RBPJ: variants seen among roughly 807,000 people sequenced by gnomAD.
RBPJ encodes the protein recombining binding protein suppressor of hairless.
RBPJ carries 9 observed loss-of-function variants against 67.8 expected under a neutral mutation model. The ratio of observed to expected loss-of-function variants is 0.13; its 90% confidence interval spans 0.08 to 0.23. The LOEUF is 0.23. Ranked by LOEUF, RBPJ falls within the 10% of genes least tolerant of loss-of-function variation. The pLI is 1.00. For missense variants in RBPJ, 305 were observed against 595.6 expected (o/e 0.51, Z 5.08); for synonymous variants, 198 against 203.3 (o/e 0.97, Z 0.22).
At chr4:26,169,573 C>T (rs1314549439) in intron 1 of RBPJ, among the ~76,000 whole-genome samples, 3 of 152,174 alleles carry the variant, frequency 2.0e-5, no homozygotes, top group Admixed American at 6.5e-5. Flanking sequence ...TCTCCAGCTG[C>T]GTGCTGGGAG....
intron 1 of RBPJ, among the ~76,000 whole-genome samples, chr4:26,223,468 G>C (rs141130961): frequency 2.0e-5 from 3 of 152,340 alleles, no homozygotes; most frequent in African/African-American, 7.2e-5. Flanking sequence ...TTATGCCTGA[G>C]AGCGGTCTTG....
chr4:26,316,171 GA>G (rs770281806), upstream of RBPJ, among the ~76,000 whole-genome samples: 81 of 151,470 alleles, frequency 5.3e-4, 1 homozygote, highest in Non-Finnish European at 7.5e-4. Flanking sequence ...AAATGTCCAT[GA>G]AATCTTCACA....
chr4:26,393,340 C>T (rs1004262050), intron 2 of RBPJ, among the ~76,000 whole-genome samples: 3 of 151,832 alleles, frequency 2.0e-5, no homozygotes, highest in African/African-American at 7.3e-5. Context: ...GAAATTTTCC[C>T]CTTTGATAAT....
At chr4:26,235,744 C>T (rs1412444475) in intron 1 of RBPJ, among the ~76,000 whole-genome samples, 1 of 152,240 alleles carries the variant, frequency 6.6e-6, no homozygotes, top group African/African-American at 2.4e-5. Context: ...ATTATGTTTT[C>T]CTGTCCTTTG....
At position 26,253,909 on chromosome 4, in the gene RBPJ, T is replaced by C. The variant is rs186700957; in HGVS notation, c.-167+90295T>C. 1.9e-4 allele frequency among the ~76,000 whole-genome samples: 28 copies of C among 149,284 alleles called. No homozygotes were observed. In the East Asian group the frequency reaches 5.4e-3, roughly 29 times the overall value. The stretch of plus-strand genomic sequence containing the variant: ...ACTCTCTCCGTTTACAAATAGCCTG[T>C]GTCAAGCACTTCCAAGTCCTAAAAC... On this transcript the variant is annotated intron_variant, in intron 1 of 4. Coordinates refer to the RBPJ transcript ENST00000512351.
the RBPJ span, among the ~76,000 whole-genome samples, chr4:26,135,534 C>T: frequency 6.6e-6 from 1 of 151,842 alleles, no homozygotes; most frequent in Non-Finnish European, 1.5e-5. Flanking sequence ...GGTCATAAAT[C>T]CTGCAAGCAG....
At chr4:26,214,291 AGGAAGGAAGCAAG>A (rs1718540078) in intron 1 of RBPJ, among the ~76,000 whole-genome samples, 2 of 146,892 alleles carry the variant, frequency 1.4e-5, no homozygotes, top group African/African-American at 5.0e-5. Flanking sequence ...GAGGAAGGAA[AGGAAGGAAGCAAG>A]GAGACAGAGA....
the RBPJ span, among the ~76,000 whole-genome samples, chr4:26,110,974 T>C: frequency 2.6e-5 from 4 of 152,190 alleles, no homozygotes; most frequent in Admixed American, 6.5e-5. This position sits in a 1 kb window ranked among gnomAD's most constrained non-coding sequence, Gnocchi z 4.5. Context: ...CCTTTCTAGT[T>C]AGGCTGACTG....
At chr4:26,313,877 A>G (rs952057872) in intron 1 of RBPJ, among the ~76,000 whole-genome samples, 1 of 152,182 alleles carries the variant, frequency 6.6e-6, no homozygotes, top group Non-Finnish European at 1.5e-5. Flanking sequence ...CTAAAGTAGA[A>G]GGAAACAATT....
the RBPJ span, among the ~76,000 whole-genome samples, chr4:26,121,654 A>G: frequency 1.3e-5 from 2 of 152,268 alleles, no homozygotes; most frequent in African/African-American, 4.8e-5. Context: ...ATTACTCTGT[A>G]AATCATAGTC....
chr4:26,152,650 C>T, the RBPJ span, among the ~76,000 whole-genome samples: 1 of 152,234 alleles, frequency 6.6e-6, no homozygotes, highest in African/African-American at 2.4e-5. Context: ...TTTCAACTCA[C>T]ACAGCTTGTA....
chr4:26,150,782 A>G, the RBPJ span, among the ~76,000 whole-genome samples: 1 of 152,152 alleles, frequency 6.6e-6, no homozygotes, highest in Non-Finnish European at 1.5e-5. Flanking sequence ...GGGGTGAGGG[A>G]AATGTTTGTA....
chr4:26,215,329 A>G (rs753738101), intron 1 of RBPJ, among the ~76,000 whole-genome samples: 41,591 of 72,160 alleles, frequency 0.58, 14,011 homozygotes, highest in East Asian at 0.82. Context: ...AAGAAAGAAA[A>G]AGAGAGAGAG....
intron 1 of RBPJ, among the ~76,000 whole-genome samples, chr4:26,209,680 C>T (rs62409702): frequency 6.8e-3 from 531 of 78,190 alleles, no homozygotes; most frequent in Admixed American, 0.012. Context: ...CTTCCGTCTC[C>T]CCCTCCCTTC....
chr4:26,114,434 G>A, the RBPJ span, among the ~76,000 whole-genome samples: 76 of 141,856 alleles, frequency 5.4e-4, no homozygotes, highest in African/African-American at 1.8e-3. Context: ...TCCAGCCCAG[G>A]CAACAAGAGT....
At chr4:26,253,307 C>CTTTTTTTTT (rs1182769419) in intron 1 of RBPJ, among the ~76,000 whole-genome samples, 17 of 114,392 alleles carry the variant, frequency 1.5e-4, no homozygotes, top group East Asian at 2.4e-4. Context: ...TCTGCTATTT[C>CTTTTTTTTT]TTTTTTTTTT....
the RBPJ span, among the ~76,000 whole-genome samples, chr4:26,118,925 A>G: frequency 1.3e-5 from 2 of 152,158 alleles, no homozygotes; most frequent in Non-Finnish European, 2.9e-5. Context: ...TATTAGGTCA[A>G]TGGCTAGTCC....
chr4:26,397,694 C>T (rs1032471107), intron 2 of RBPJ, among the ~76,000 whole-genome samples: 5 of 152,076 alleles, frequency 3.3e-5, no homozygotes, highest in African/African-American at 9.7e-5. Context: ...AGTGCAGTGG[C>T]GCGATCTTGC....
At chr4:26,417,162 G>GAA (rs2109791464) in intron 4 of RBPJ, among the ~76,000 whole-genome samples, 1 of 152,324 alleles carries the variant, frequency 6.6e-6, no homozygotes, top group Admixed American at 6.5e-5. Context: ...CAGATAGGTA[G>GAA]TGAGAAGCCA....
Sources: allele counts gnomAD v4.1 joint callset (sites outside exome capture counted in the v4.1 genomes callset), GRCh38; gene constraint gnomAD v4.1.1; non-coding constraint Gnocchi (gnomAD v3.1); transcripts MANE v1.5; gene names NCBI Gene and HGNC (gene_info 2026-07-23, HGNC 2026-07-21).